The following PCCA variants were observed in gnomAD, a reference collection of about 807,000 sequenced individuals.
The protein encoded by PCCA is propionyl-CoA carboxylase subunit alpha, also known as propionyl-CoA carboxylase alpha chain, mitochondrial.
In PCCA, 74 loss-of-function variants were observed where a neutral mutation model predicts 101.3. The ratio of observed to expected loss-of-function variants is 0.73; its 90% CI spans 0.61 to 0.89. The LOEUF is 0.89. PCCA is among the 40% of genes least tolerant of loss of function. The pLI is 0.00. For missense variants in PCCA, 891 were observed against 907.0 expected (o/e 0.98, Z 0.23); for synonymous variants, 294 against 313.6 (o/e 0.94, Z 0.66).
intron 4 of PCCA, among the ~76,000 whole-genome samples, chr13:100,135,354 TACATTC>T (rs1483343709): frequency 6.6e-6 from 1 of 152,096 alleles, no homozygotes; most frequent in Non-Finnish European, 1.5e-5. Flanking sequence ...TCACAACACT[TACATTC>T]CAGCCTGGGT....
At chr13:100,438,311 C>A (rs552465761) in intron 20 of PCCA, among the ~76,000 whole-genome samples, 12 of 152,066 alleles carry the variant, frequency 7.9e-5, no homozygotes, top group Middle Eastern at 6.8e-3. Context: ...TGTGCCACCA[C>A]ATGCAATTAA....
intron 8 of PCCA, among the ~76,000 whole-genome samples, chr13:100,239,803 C>A (rs1400771687): frequency 6.6e-6 from 1 of 152,058 alleles, no homozygotes; most frequent in East Asian, 1.9e-4. Flanking sequence ...GTCTTTCTCA[C>A]AATCACAAAT....
At chr13:100,228,016 C>T (rs1035068171) in intron 7 of PCCA, among the ~76,000 whole-genome samples, 2 of 151,942 alleles carry the variant, frequency 1.3e-5, no homozygotes, top group Non-Finnish European at 2.9e-5. Context: ...TTATATTTGA[C>T]TTTTTCTTTT....
intron 6 of PCCA, among the ~76,000 whole-genome samples, chr13:100,201,704 A>G (rs2058503404): frequency 6.6e-6 from 1 of 151,734 alleles, no homozygotes; most frequent in Non-Finnish European, 1.5e-5. Flanking sequence ...CTAAAAATAC[A>G]AAATTAGCTG....
chr13:100,229,893 A>G (rs556894632), intron 7 of PCCA, among the ~76,000 whole-genome samples: 1 of 152,316 alleles, frequency 6.6e-6, no homozygotes, highest in South Asian at 2.1e-4. Context: ...TTCTAACAGA[A>G]GCCTGTCTGG....
At chr13:100,340,403 G>A (rs2071123467) in intron 18 of PCCA, 144 bp downstream of exon 18, 1 of 663,712 alleles carries the variant, frequency 1.5e-6, no homozygotes, top group Non-Finnish European at 2.7e-6. Context: ...AAGTCACACT[G>A]TATAAATATG....
chr13:100,445,528 C>CAAAG (rs1393013251), intron 20 of PCCA, among the ~76,000 whole-genome samples: 2 of 152,078 alleles, frequency 1.3e-5, no homozygotes, highest in African/African-American at 4.8e-5. Context: ...CTTTCTCGTA[C>CAAAG]CTATTTCTCC....
intron 19 of PCCA, among the ~76,000 whole-genome samples, chr13:100,422,070 TTTTCTTTCTTTCTTTCTTTCTTTC>T (rs1555454057): frequency 1.4e-4 from 15 of 110,666 alleles, no homozygotes; most frequent in African/African-American, 3.5e-4. Flanking sequence ...TTCTCTTTTC[TTTTCTTTCTTTCTTTCTTTCTTTC>T]TTTCTTTCTT....
chr13:100,471,904 G>C (rs2083047182), intron 21 of PCCA, among the ~76,000 whole-genome samples: 1 of 152,138 alleles, frequency 6.6e-6, no homozygotes, highest in African/African-American at 2.4e-5. Context: ...TTGTGACAAG[G>C]ATATTTTGCT....
At chr13:100,426,351 C>T (rs1294873923) in intron 20 of PCCA, among the ~76,000 whole-genome samples, 4 of 142,448 alleles carry the variant, frequency 2.8e-5, no homozygotes, top group African/African-American at 3.0e-5. Context: ...TGAGGTTTAG[C>T]GTTTTAGGAA....
At chr13:100,524,018 C>T (rs748046695) in intron 22 of PCCA, among the ~76,000 whole-genome samples, 4 of 152,224 alleles carry the variant, frequency 2.6e-5, no homozygotes, top group Non-Finnish European at 4.4e-5. Context: ...CTGGGCAATC[C>T]GGAAGGTGTT....
chr13:100,203,943 G>C (rs182057726), intron 6 of PCCA, among the ~76,000 whole-genome samples: 2 of 152,188 alleles, frequency 1.3e-5, no homozygotes, highest in East Asian at 3.9e-4. Flanking sequence ...TATTCAGTGG[G>C]TGCTCCTTTC....
intron 4 of PCCA, among the ~76,000 whole-genome samples, chr13:100,123,963 C>T (rs886403863): frequency 3.3e-5 from 5 of 152,110 alleles, no homozygotes; most frequent in Admixed American, 6.5e-5. Context: ...GCTTTAGTGA[C>T]TAGGAGTTTC....
At chr13:100,415,239 CA>C (rs11308074) in intron 19 of PCCA, among the ~76,000 whole-genome samples, 94,167 of 123,142 alleles carry the variant, frequency 0.76, 34,478 homozygotes, top group South Asian at 0.89. Flanking sequence ...CACACCTCTA[CA>C]AAAAAAAAAA....
intron 20 of PCCA, among the ~76,000 whole-genome samples, chr13:100,439,326 C>T (rs539174762): frequency 6.6e-6 from 1 of 152,088 alleles, no homozygotes; most frequent in African/African-American, 2.4e-5. Context: ...TTAAATTTCC[C>T]ATTAGAAGAT....
chr13:100,311,273 A>T (rs1214437551), intron 16 of PCCA, among the ~76,000 whole-genome samples: 1 of 151,892 alleles, frequency 6.6e-6, no homozygotes, highest in African/African-American at 2.4e-5. Context: ...TAATTACGTG[A>T]TTTTTGTCAA....
At chr13:100,468,454 A>G (rs111639534) in intron 21 of PCCA, among the ~76,000 whole-genome samples, 165 of 152,338 alleles carry the variant, frequency 1.1e-3, no homozygotes, top group African/African-American at 3.7e-3. Flanking sequence ...GAAAATCTGT[A>G]GTTTAGTGTG....
At chr13:100,116,325 T>G (rs1321276196) in intron 4 of PCCA, among the ~76,000 whole-genome samples, 1 of 152,230 alleles carries the variant, frequency 6.6e-6, no homozygotes, top group Admixed American at 6.5e-5. Context: ...AACAATTGAT[T>G]GCAAAAGCTA....
chr13:100,144,966 C>T lies in PCCA; in HGVS notation c.301-10013C>T, dbSNP rs113323982. ...GCTCCAGAGGAGACAGCCTTGAGCA[C>T]AAGAAGTGACATCCAGCTAGGTGAT... On this transcript the variant is annotated intron_variant, in intron 4 of 23. Coordinates refer to ENST00000376285, the MANE Select transcript of PCCA (RefSeq NM_000282.4). Among the ~76,000 whole-genome samples, 35 of 152,114 alleles carry T rather than the reference C, an allele frequency of 2.3e-4. 2 individuals carry two copies. The highest frequency in any genetic ancestry group is 7.5e-4 in the African/African-American group (31 of 41,414).
Sources: gnomAD v4.1 joint callset for allele counts (sites outside exome capture counted in the v4.1 genomes callset) on GRCh38, gnomAD v4.1.1 for gene constraint, MANE v1.5 for transcripts, NCBI Gene and HGNC (gene_info 2026-07-23, HGNC 2026-07-21) for gene names.